Variants in KIAA1217 observed in about 807,000 individuals in gnomAD.
KIAA1217 encodes sickle tail protein homolog.
Under a neutral mutation model 163.9 loss-of-function variants are expected in KIAA1217, and 88 were observed. The observed-to-expected ratio is 0.54, with a 90% CI of 0.45 to 0.64. The LOEUF (loss-of-function observed/expected upper bound fraction) is 0.64, where lower values mean the gene tolerates loss of function less well. Among genes scored for constraint, KIAA1217 ranks in the 30% least tolerant of loss-of-function variants. The pLI, the probability that KIAA1217 is intolerant of heterozygous loss-of-function variation, is 0.00. For synonymous variants in KIAA1217, 903 were observed against 923.1 expected, an observed-to-expected ratio of 0.98 and a Z score of 0.39; for missense variants, 2,372 against 2,475.0, an observed-to-expected ratio of 0.96 and a Z score of 0.88.
intron 1 of KIAA1217, among the ~76,000 whole-genome samples, chr10:23,713,269 C>G (rs1837371540): frequency 6.6e-6 from 1 of 152,104 alleles, no homozygotes; most frequent in Admixed American, 6.6e-5. Context: ...CTTTTTGCTG[C>G]TAACTATCAT....
At chr10:24,265,686 G>T (rs1253240350) in intron 2 of KIAA1217, among the ~76,000 whole-genome samples, 1 of 152,064 alleles carries the variant, frequency 6.6e-6, no homozygotes, top group African/African-American at 2.4e-5. Context: ...GAAAAAAATA[G>T]GATTACTGTT....
intron 1 of KIAA1217, among the ~76,000 whole-genome samples, chr10:23,741,393 T>A (rs975104526): frequency 1.3e-5 from 2 of 152,188 alleles, no homozygotes; most frequent in Admixed American, 6.5e-5. Flanking sequence ...TTCCTTATTT[T>A]TTTTCTGCTT....
At chr10:23,829,269 C>T (rs557050071) in intron 1 of KIAA1217, among the ~76,000 whole-genome samples, 1 of 152,154 alleles carries the variant, frequency 6.6e-6, no homozygotes, top group African/African-American at 2.4e-5. Flanking sequence ...TATCTATTCA[C>T]TTATCATCTA....
intron 3 of KIAA1217, among the ~76,000 whole-genome samples, chr10:24,430,285 C>T (rs2059495721): frequency 6.6e-6 from 1 of 152,136 alleles, no homozygotes; most frequent in African/African-American, 2.4e-5. Flanking sequence ...TTCCCCTATG[C>T]TTGGTCAGCC....
chr10:24,013,250 T>C (rs1847320556), intron 2 of KIAA1217, among the ~76,000 whole-genome samples: 1 of 151,984 alleles, frequency 6.6e-6, no homozygotes, highest in South Asian at 2.1e-4. Flanking sequence ...AGAGAAAAAA[T>C]ACACTTGTTA....
At chr10:24,108,950 G>A (rs1208670533) in intron 2 of KIAA1217, among the ~76,000 whole-genome samples, 2 of 152,148 alleles carry the variant, frequency 1.3e-5, no homozygotes, top group African/African-American at 2.4e-5. Flanking sequence ...TTCTGCCTCA[G>A]CCTCCCAAGT....
chr10:24,429,505 A>T (rs912397298), intron 3 of KIAA1217, among the ~76,000 whole-genome samples: 1 of 151,874 alleles, frequency 6.6e-6, no homozygotes, highest in Admixed American at 6.6e-5. Flanking sequence ...CCCATCTCTC[A>T]GTCTCTTTTT....
At chr10:23,760,777 CA>C (rs1834222749) in intron 1 of KIAA1217, among the ~76,000 whole-genome samples, 1 of 151,838 alleles carries the variant, frequency 6.6e-6, no homozygotes, top group South Asian at 2.1e-4. Flanking sequence ...CCTGTCTCTG[CA>C]AAAAATTTTA....
At chr10:24,193,530 T>C (rs1286535855) in intron 2 of KIAA1217, among the ~76,000 whole-genome samples, 1 of 152,220 alleles carries the variant, frequency 6.6e-6, no homozygotes, top group African/African-American at 2.4e-5. Context: ...ATCTTCCCCA[T>C]GGTCAGGTCA....
intron 1 of KIAA1217, among the ~76,000 whole-genome samples, chr10:23,715,023 T>C (rs1410648008): frequency 6.6e-6 from 1 of 152,180 alleles, no homozygotes; most frequent in African/African-American, 2.4e-5. Context: ...GCAGGATATA[T>C]GGTAAGTATG....
intron 1 of KIAA1217, among the ~76,000 whole-genome samples, chr10:23,889,195 C>T (rs1245976861): frequency 6.6e-6 from 1 of 151,842 alleles, no homozygotes; most frequent in Non-Finnish European, 1.5e-5. Flanking sequence ...ATACTTTTGG[C>T]TCATAGCGTG....
chr10:24,486,605 G>A (rs1174272993), intron 6 of KIAA1217, among the ~76,000 whole-genome samples: 2 of 152,088 alleles, frequency 1.3e-5, no homozygotes, highest in Admixed American at 6.5e-5. Flanking sequence ...TCCTGCCTTG[G>A]GCAGAGTGTA....
At chr10:24,513,233 T>C in intron 9 of KIAA1217, 26 bp from the exon 10 acceptor site, 1 of 1,610,876 alleles carries the variant, frequency 6.2e-7, no homozygotes, top group East Asian at 2.2e-5. Context: ...CAGAGCCCAC[T>C]GAGGTTGATT....
At chr10:24,027,916 G>A (rs1355184369) in intron 2 of KIAA1217, among the ~76,000 whole-genome samples, 2 of 152,088 alleles carry the variant, frequency 1.3e-5, no homozygotes, top group East Asian at 3.9e-4. Context: ...TGAGTTTCAA[G>A]TCTTGCTTAG....
chr10:23,720,165 G>A (rs1837795389), intron 1 of KIAA1217, among the ~76,000 whole-genome samples: 1 of 151,768 alleles, frequency 6.6e-6, no homozygotes. Context: ...ATTAAGAATG[G>A]GTAATTTTAT....
intron 2 of KIAA1217, among the ~76,000 whole-genome samples, chr10:24,105,879 G>A (rs1286922227): frequency 6.6e-6 from 1 of 152,234 alleles, no homozygotes; most frequent in Admixed American, 6.5e-5. Context: ...GAGCCTTGGG[G>A]GAGGAAAGTA....
intron 14 of KIAA1217, among the ~76,000 whole-genome samples, chr10:24,530,586 G>A (rs1383813313): frequency 6.6e-6 from 1 of 152,114 alleles, no homozygotes; most frequent in Non-Finnish European, 1.5e-5. Context: ...GATAATGGAG[G>A]AATATGGGTA....
In KIAA1217 at chr10:24,544,323, C is replaced by T; in HGVS notation, c.5053C>T (p.Pro1685Ser). The T allele has an allele frequency of 6.2e-7, 1 of 1,614,092 alleles. No homozygotes were observed. The highest frequency in any genetic ancestry group is 2.2e-5 in the East Asian group (1 of 44,874). Residue 1685 changes from proline to serine, a missense_variant, in exon 19 of 21, where the codon CCC becomes TCC. Pro to Ser is a moderately conservative substitution (Grantham distance 74). Coordinates refer to ENST00000376454, the MANE Select transcript of KIAA1217 (RefSeq NM_019590.5). ...CGAAAATACAATCAGTGAAATGAGT[C>T]CCAAAGCCCTAGTTGATACCTCATG... ...QLENTISEMS[P>S]KALVDTSCSS... is the part of the protein sequence containing the mutation.
At chr10:23,739,803 G>A (rs1370030549) in intron 1 of KIAA1217, among the ~76,000 whole-genome samples, 3 of 152,338 alleles carry the variant, frequency 2.0e-5, no homozygotes, top group South Asian at 2.1e-4. Flanking sequence ...ATTCCAGTGA[G>A]ACATGCTGGC....
Sources: gnomAD v4.1 joint callset for allele counts (sites outside exome capture counted in the v4.1 genomes callset) on GRCh38, gnomAD v4.1.1 for gene constraint, MANE v1.5 for transcripts, NCBI Gene and HGNC (gene_info 2026-07-23, HGNC 2026-07-21) for gene names.